LRRIQ3: variants seen among roughly 807,000 people sequenced by gnomAD.
LRRIQ3 encodes the protein leucine-rich repeat and IQ domain-containing protein 3.
LRRIQ3 carries 75 observed loss-of-function variants against 59.3 expected under a neutral mutation model. The observed-to-expected ratio is 1.26, with a 90% CI of 1.05 to 1.53. The LOEUF is 1.53. Ranked by LOEUF, LRRIQ3 falls within the 40% of genes most tolerant of loss-of-function variation. The pLI, the probability that LRRIQ3 is intolerant of heterozygous loss-of-function variation, is 0.00. For synonymous variants in LRRIQ3, 250 were observed against 231.3 expected, an observed-to-expected ratio of 1.08 and a Z score of -0.73; for missense variants, 831 against 710.0, an observed-to-expected ratio of 1.17 and a Z score of -1.94.
intron 7 of LRRIQ3, among the ~76,000 whole-genome samples, chr1:74,033,573 G>C (rs1653781314): frequency 6.6e-6 from 1 of 151,948 alleles, no homozygotes; most frequent in Admixed American, 6.6e-5. Flanking sequence ...GAGGATCTTT[G>C]TATGTGTCTA....
At chr1:74,124,571 T>C (rs774149181) in intron 4 of LRRIQ3, among the ~76,000 whole-genome samples, 31 of 152,000 alleles carry the variant, frequency 2.0e-4, no homozygotes, top group Non-Finnish European at 2.9e-4. Context: ...ATCATTGCTC[T>C]GACTGCAGAT....
chr1:74,162,977 A>G (rs1480231996), intron 3 of LRRIQ3, among the ~76,000 whole-genome samples: 1 of 151,660 alleles, frequency 6.6e-6, no homozygotes, highest in Non-Finnish European at 1.5e-5. Context: ...ATAGTTTTAG[A>G]TAGCTAGAAG....
intron 4 of LRRIQ3, among the ~76,000 whole-genome samples, chr1:74,139,413 T>C (rs1647191992): frequency 6.6e-6 from 1 of 151,812 alleles, no homozygotes; most frequent in South Asian, 2.1e-4. Flanking sequence ...CATATGCTTC[T>C]TTTTCTCACC....
At chr1:74,045,396 C>T (rs1439857787) in intron 6 of LRRIQ3, among the ~76,000 whole-genome samples, 6 of 152,018 alleles carry the variant, frequency 3.9e-5, no homozygotes, top group African/African-American at 7.2e-5. Flanking sequence ...AAAAGGCCTT[C>T]GACAAAATTC....
At chr1:74,175,353 G>C (rs557064971) in intron 3 of LRRIQ3, among the ~76,000 whole-genome samples, 1 of 152,052 alleles carries the variant, frequency 6.6e-6, no homozygotes, top group African/African-American at 2.4e-5. Context: ...TGTTGTTGTT[G>C]TTCCTAGTTG....
At chr1:74,089,581 A>G (rs1201842292) in intron 5 of LRRIQ3, among the ~76,000 whole-genome samples, 1 of 152,136 alleles carries the variant, frequency 6.6e-6, no homozygotes, top group Non-Finnish European at 1.5e-5. Flanking sequence ...AAGTGGAAGT[A>G]GCCAGACATA....
chr1:74,038,512 A>G (rs143635545), intron 7 of LRRIQ3, among the ~76,000 whole-genome samples: 1 of 152,190 alleles, frequency 6.6e-6, no homozygotes, highest in Non-Finnish European at 1.5e-5. Flanking sequence ...CAACTGGGTG[A>G]GACTCTTAAA....
intron 1 of LRRIQ3, among the ~76,000 whole-genome samples, chr1:74,197,795 A>T (rs927412510): frequency 6.6e-6 from 1 of 152,148 alleles, no homozygotes; most frequent in Non-Finnish European, 1.5e-5. Context: ...GGTTGGGGGC[A>T]GATGGCCCGG....
intron 5 of LRRIQ3, among the ~76,000 whole-genome samples, chr1:74,108,701 G>A (rs185747663): frequency 6.6e-6 from 1 of 151,846 alleles, no homozygotes; most frequent in African/African-American, 2.4e-5. Flanking sequence ...ATAATGCTAA[G>A]TATTCATTTC....
intron 5 of LRRIQ3, among the ~76,000 whole-genome samples, chr1:74,086,838 CA>C (rs1403149592): frequency 1.3e-5 from 2 of 151,948 alleles, no homozygotes; most frequent in African/African-American, 4.8e-5. Context: ...AACAGTAAGC[CA>C]AAACACCCAT....
chr1:74,155,838 T>C lies in LRRIQ3; in HGVS notation c.602A>G (p.Asn201Ser). ...AATTTTTGAAGTAATATGTTTAATA[T>C]TATTAATTTCCTCTTCATAGGTTGT... ...KGTTYEEEIN[N>S]IKHITSKINA... Residue 201 changes from asparagine to serine, a missense_variant, in exon 4 of 8, where the codon AAT becomes AGT. Physicochemically the swap from Asn to Ser is conservative, Grantham distance 46. Transcript: ENST00000354431. 1 of 1,545,262 alleles carries C rather than the reference T, an allele frequency of 6.5e-7. No individual in the cohort carries two copies. The highest frequency in any genetic ancestry group is 8.8e-7 in the Non-Finnish European group (1 of 1,141,892).
intron 4 of LRRIQ3, among the ~76,000 whole-genome samples, chr1:74,124,811 C>G (rs1236691498): frequency 6.6e-6 from 1 of 151,680 alleles, no homozygotes; most frequent in Non-Finnish European, 1.5e-5. Context: ...CTGTTTTGTT[C>G]TTCTTGGTCA....
intron 5 of LRRIQ3, among the ~76,000 whole-genome samples, chr1:74,080,336 A>G (rs368106980): frequency 6.6e-6 from 1 of 151,750 alleles, no homozygotes; most frequent in Non-Finnish European, 1.5e-5. Flanking sequence ...AAATTGGAAT[A>G]GATTATCTGA....
At chr1:74,139,617 C>A (rs1284943815) in intron 4 of LRRIQ3, among the ~76,000 whole-genome samples, 1 of 151,922 alleles carries the variant, frequency 6.6e-6, no homozygotes, top group East Asian at 1.9e-4. Flanking sequence ...TGTAGAGTAA[C>A]ATCCCATGGC....
chr1:74,054,729 A>G (rs1403184183), intron 6 of LRRIQ3, among the ~76,000 whole-genome samples: 2 of 127,598 alleles, frequency 1.6e-5, no homozygotes, highest in African/African-American at 5.8e-5. Context: ...ACAAAAAGGA[A>G]GAAAACACAA....
chr1:74,151,491 T>A (rs1647955615), intron 4 of LRRIQ3, among the ~76,000 whole-genome samples: 1 of 150,892 alleles, frequency 6.6e-6, no homozygotes, highest in Admixed American at 6.7e-5. Flanking sequence ...TAGACAATTG[T>A]AAGCCCACTG....
At chr1:74,131,399 A>G (rs1430997934) in intron 4 of LRRIQ3, among the ~76,000 whole-genome samples, 1 of 152,200 alleles carries the variant, frequency 6.6e-6, no homozygotes, top group Non-Finnish European at 1.5e-5. Flanking sequence ...TCCTGATACC[A>G]AAGCCTGGCA....
At chr1:74,096,621 G>A (rs7550195) in intron 5 of LRRIQ3, among the ~76,000 whole-genome samples, 64,233 of 151,864 alleles carry the variant, frequency 0.42, 15,135 homozygotes, top group East Asian at 0.77. Context: ...GGGGAGAAGC[G>A]CTCTGATTTT....
At chr1:74,030,354 C>G (rs1387716278) in intron 7 of LRRIQ3, among the ~76,000 whole-genome samples, 1 of 152,124 alleles carries the variant, frequency 6.6e-6, no homozygotes, top group Non-Finnish European at 1.5e-5. Flanking sequence ...TACCTGACTT[C>G]AAACTATACT....
Sources: gnomAD v4.1 joint callset for allele counts (sites outside exome capture counted in the v4.1 genomes callset) on GRCh38, gnomAD v4.1.1 for gene constraint, MANE v1.5 for transcripts, NCBI Gene and HGNC (gene_info 2026-07-23, HGNC 2026-07-21) for gene names.